Variants in DOCK10 observed in about 807,000 individuals in gnomAD.
The protein encoded by DOCK10 is dedicator of cytokinesis 10, also known as dedicator of cytokinesis protein 10.
Under a neutral mutation model 280.1 loss-of-function variants are expected in DOCK10, and 145 were observed. The observed-to-expected ratio is 0.52, with a 90% confidence interval of 0.45 to 0.59. The LOEUF is 0.59. Ranked by LOEUF, DOCK10 falls within the 20% of genes least tolerant of loss-of-function variation. DOCK10 has a pLI of 0.00. For synonymous variants in DOCK10, 915 were observed against 942.2 expected, an observed-to-expected ratio of 0.97 and a Z score of 0.53; for missense variants, 2,368 against 2,651.7, an observed-to-expected ratio of 0.89 and a Z score of 2.35.
chr2:224,910,259 T>C (rs996109400), intron 3 of DOCK10, among the ~76,000 whole-genome samples: 5 of 152,206 alleles, frequency 3.3e-5, no homozygotes, highest in African/African-American at 1.2e-4. Flanking sequence ...TAATCTAGTT[T>C]CAAAAATCCA....
At chr2:224,933,693 G>C (rs1416637377) in intron 1 of DOCK10, among the ~76,000 whole-genome samples, 2 of 152,056 alleles carry the variant, frequency 1.3e-5, no homozygotes, top group Non-Finnish European at 2.9e-5. Context: ...GATGCCCTTT[G>C]GTATTTACAG....
intron 1 of DOCK10, chr2:224,983,650 T>C (rs1335581480): frequency 7.3e-6 from 3 of 411,672 alleles, no homozygotes; most frequent in East Asian, 7.2e-5. Context: ...AGCATGATGC[T>C]CAAACAGGCA....
chr2:224,978,231 G>T (rs1237143006), intron 1 of DOCK10, among the ~76,000 whole-genome samples: 2 of 152,086 alleles, frequency 1.3e-5, no homozygotes, highest in African/African-American at 4.8e-5. Flanking sequence ...TCAGGAGTTC[G>T]AGACCAGCCT....
At chr2:224,783,420 G>A (rs183085957) in intron 50 of DOCK10, among the ~76,000 whole-genome samples, 28 of 151,954 alleles carry the variant, frequency 1.8e-4, no homozygotes, top group African/African-American at 4.3e-4. Flanking sequence ...GATTACAGGC[G>A]CTCGCCACCA....
intron 1 of DOCK10, among the ~76,000 whole-genome samples, chr2:224,996,352 T>C (rs1706271551): frequency 6.6e-6 from 1 of 152,204 alleles, no homozygotes. Context: ...ATGAATTCAA[T>C]CACAATGGGT....
chr2:224,898,204 G>A (rs1700093885), intron 3 of DOCK10, among the ~76,000 whole-genome samples: 1 of 152,186 alleles, frequency 6.6e-6, no homozygotes, highest in African/African-American at 2.4e-5. Flanking sequence ...GGCTCGAGAT[G>A]CATGAAAAAC....
intron 1 of DOCK10, among the ~76,000 whole-genome samples, chr2:224,942,390 A>G (rs1011539499): frequency 6.6e-6 from 1 of 152,208 alleles, no homozygotes; most frequent in African/African-American, 2.4e-5. Context: ...GCATTCTTCA[A>G]CCTGTCCATT....
At chr2:225,006,075 G>A (rs1443181054) in intron 1 of DOCK10, among the ~76,000 whole-genome samples, 1 of 152,102 alleles carries the variant, frequency 6.6e-6, no homozygotes, top group Non-Finnish European at 1.5e-5. Context: ...GTATGGATAG[G>A]TGAGGTAATT....
chr2:224,962,149 C>T (rs563119606), intron 1 of DOCK10, among the ~76,000 whole-genome samples: 1 of 152,338 alleles, frequency 6.6e-6, no homozygotes, highest in African/African-American at 2.4e-5. Context: ...TCACACATCT[C>T]TACCAGGAAT....
intron 1 of DOCK10, among the ~76,000 whole-genome samples, chr2:224,950,939 C>G (rs1003543723): frequency 6.6e-6 from 1 of 152,130 alleles, no homozygotes. Flanking sequence ...TACAGAGCCT[C>G]AATGTCCTGG....
chr2:225,029,492 G>T (rs1046924737), intron 1 of DOCK10, among the ~76,000 whole-genome samples: 2 of 152,126 alleles, frequency 1.3e-5, no homozygotes, highest in Non-Finnish European at 2.9e-5. Flanking sequence ...TTTTAGACTA[G>T]ATTTTCTTTC....
At chr2:224,809,240 C>T (rs138185871) in intron 31 of DOCK10, among the ~76,000 whole-genome samples, 1 of 152,038 alleles carries the variant, frequency 6.6e-6, no homozygotes, top group African/African-American at 2.4e-5. Context: ...AGTACTTGCA[C>T]GTACAAGAAA....
intron 14 of DOCK10, 62 bp from the exon 15 acceptor site, chr2:224,857,044 C>T (rs1183473287): frequency 2.8e-5 from 38 of 1,362,276 alleles, no homozygotes; most frequent in Admixed American, 2.5e-5. Flanking sequence ...GTGTTTTTAA[C>T]GTGACTATAT....
chr2:224,936,365 G>A (rs1025396793), intron 1 of DOCK10, among the ~76,000 whole-genome samples: 5 of 152,040 alleles, frequency 3.3e-5, no homozygotes, highest in African/African-American at 9.7e-5. Context: ...AAGGGCACTC[G>A]CTACCTCAGA....
At chr2:224,880,360 C>T (rs1402617261) in intron 7 of DOCK10, among the ~76,000 whole-genome samples, 4 of 152,042 alleles carry the variant, frequency 2.6e-5, no homozygotes, top group Non-Finnish European at 4.4e-5. Flanking sequence ...GAGTGGTTTT[C>T]GATCTTGCTG....
intron 26 of DOCK10, among the ~76,000 whole-genome samples, chr2:224,830,963 C>G (rs1268430947): frequency 2.1e-5 from 2 of 96,974 alleles, no homozygotes; most frequent in African/African-American, 1.1e-4. Flanking sequence ...TTGAGACAGT[C>G]TCACTCTGTT....
intron 1 of DOCK10, among the ~76,000 whole-genome samples, chr2:225,009,859 G>A (rs1037643164): frequency 6.6e-6 from 1 of 152,204 alleles, no homozygotes; most frequent in Admixed American, 6.5e-5. Context: ...TGTGATCAGA[G>A]AGACTAACAA....
intron 28 of DOCK10, among the ~76,000 whole-genome samples, chr2:224,822,627 G>A (rs1414571510): frequency 1.3e-5 from 2 of 152,104 alleles, no homozygotes; most frequent in Non-Finnish European, 2.9e-5. Flanking sequence ...TGGGAGGATC[G>A]CCTGAGCCCA....
At chr2:224,880,033 C>T (rs923658719) in intron 7 of DOCK10, among the ~76,000 whole-genome samples, 10 of 152,012 alleles carry the variant, frequency 6.6e-5, no homozygotes, top group Admixed American at 5.9e-4. Flanking sequence ...AACCTGCTTT[C>T]GAATGAAGAT....
Sources: allele counts gnomAD v4.1 joint callset (sites outside exome capture counted in the v4.1 genomes callset), GRCh38; gene constraint gnomAD v4.1.1; transcripts MANE v1.5; gene names NCBI Gene and HGNC (gene_info 2026-07-23, HGNC 2026-07-21).